The following AGMO variants were observed in gnomAD, a reference collection of about 807,000 sequenced individuals.
AGMO encodes glyceryl-ether monooxygenase.
A neutral mutation model predicts 60.2 loss-of-function variants in AGMO; 75 were observed. The observed-to-expected ratio is 1.25, with a 90% CI of 1.03 to 1.51. The LOEUF is 1.51. Among genes scored for constraint, AGMO ranks in the 40% most tolerant of loss-of-function variants. The pLI is 0.00. For synonymous variants in AGMO, 261 were observed against 177.1 expected (o/e 1.47, Z -3.76); for missense variants, 763 against 525.5 (o/e 1.45, Z -4.42).
intron 10 of AGMO, among the ~76,000 whole-genome samples, chr7:15,375,038 C>G (rs1328671178): frequency 6.6e-6 from 1 of 152,054 alleles, no homozygotes; most frequent in East Asian, 1.9e-4. Context: ...TGGACATTCA[C>G]TAAGTAGAGA....
the AGMO span, among the ~76,000 whole-genome samples, chr7:15,120,829 G>C: frequency 1.3e-5 from 2 of 151,372 alleles, no homozygotes; most frequent in Admixed American, 6.6e-5. Context: ...TTTTTATTTA[G>C]GTTTTGGGAT....
At chr7:15,243,828 T>C (rs1261931821) in intron 12 of AGMO, among the ~76,000 whole-genome samples, 1 of 152,162 alleles carries the variant, frequency 6.6e-6, no homozygotes, top group African/African-American at 2.4e-5. Flanking sequence ...TTGTCCGGTT[T>C]TGTCTGCCAC....
chr7:15,493,495 TCCCGCGTAGCTGGGTCTGCAGGCG>T (rs1783131768), intron 3 of AGMO, among the ~76,000 whole-genome samples: 2 of 145,492 alleles, frequency 1.4e-5, no homozygotes, highest in Non-Finnish European at 3.0e-5. Flanking sequence ...TGCCTCAGCC[TCCCGCGTAGCTGGGTCTGCAGGCG>T]CCCGCCACCA....
chr7:15,291,834 G>C (rs1340675882), intron 12 of AGMO, among the ~76,000 whole-genome samples: 1 of 152,132 alleles, frequency 6.6e-6, no homozygotes, highest in East Asian at 1.9e-4. Context: ...CCTGAAAGAA[G>C]AGCAATGAAG....
chr7:15,216,233 C>A (rs1419304370), intron 12 of AGMO, among the ~76,000 whole-genome samples: 2 of 152,080 alleles, frequency 1.3e-5, no homozygotes, highest in Non-Finnish European at 2.9e-5. Context: ...ACTTTCAGGC[C>A]AAACAGCAAT....
At chr7:15,182,428 T>A in the AGMO span, among the ~76,000 whole-genome samples, 305 of 152,316 alleles carry the variant, frequency 2.0e-3, 1 homozygote, top group Admixed American at 3.1e-3. Context: ...TATTTATTAT[T>A]TTATTTGAGA....
At chr7:15,237,588 G>A (rs1253318641) in intron 12 of AGMO, among the ~76,000 whole-genome samples, 1 of 151,764 alleles carries the variant, frequency 6.6e-6, no homozygotes, top group Admixed American at 6.6e-5. Flanking sequence ...TGAGAGAGCA[G>A]GGAAACTAAA....
At chr7:15,354,250 G>A (rs1431595930) in intron 12 of AGMO, among the ~76,000 whole-genome samples, 2 of 146,418 alleles carry the variant, frequency 1.4e-5, no homozygotes, top group African/African-American at 5.1e-5. Context: ...TTACAGAACA[G>A]TAAAAAATGT....
chr7:15,190,753 TA>T, the AGMO span, among the ~76,000 whole-genome samples: 1 of 152,250 alleles, frequency 6.6e-6, no homozygotes, highest in Admixed American at 6.5e-5. Context: ...TTTATTACTT[TA>T]AAATATAGAA....
intron 12 of AGMO, among the ~76,000 whole-genome samples, chr7:15,352,562 G>A (rs1782286502): frequency 6.6e-6 from 1 of 151,808 alleles, no homozygotes; most frequent in African/African-American, 2.4e-5. Context: ...AAAATCTCAG[G>A]CTTGGCCAGA....
intron 12 of AGMO, among the ~76,000 whole-genome samples, chr7:15,284,094 A>G (rs149720434): frequency 6.6e-6 from 1 of 152,128 alleles, no homozygotes; most frequent in Non-Finnish European, 1.5e-5. Context: ...GCTAAGAGAA[A>G]AGTCTGTAGT....
downstream of AGMO, among the ~76,000 whole-genome samples, chr7:15,198,482 A>G (rs898586457): frequency 6.6e-6 from 1 of 152,200 alleles, no homozygotes; most frequent in Admixed American, 6.5e-5. Context: ...TAATCGCCCA[A>G]TGGGTTCATT....
chr7:15,387,393 G>A lies in AGMO; in HGVS notation c.957+13C>T. 1 of 1,610,796 alleles carries A rather than the reference G, an allele frequency of 6.2e-7. No homozygotes were observed. The highest frequency in any genetic ancestry group is 8.5e-7 in the Non-Finnish European group (1 of 1,178,776). On this transcript the variant is annotated intron_variant, in intron 9 of 12. Transcript: ENST00000342526. ...CAATCTTCACCATCTCCAATTCTGT[G>A]AACTCTATTTACCTCTGGAATTTCT...
intron 3 of AGMO, among the ~76,000 whole-genome samples, chr7:15,544,073 A>G (rs2115278862): frequency 6.6e-6 from 1 of 152,258 alleles, no homozygotes; most frequent in East Asian, 1.9e-4. Context: ...ATTTGCAGCA[A>G]CCCAGATGGA....
intron 2 of AGMO, among the ~76,000 whole-genome samples, chr7:15,545,783 A>G (rs1784764040): frequency 6.6e-6 from 1 of 152,036 alleles, no homozygotes; most frequent in South Asian, 2.1e-4. Context: ...CAAGTTTTAT[A>G]TGATCAAATT....
At chr7:15,531,086 A>ATATTCTG (rs1784315957) in intron 3 of AGMO, among the ~76,000 whole-genome samples, 1 of 16,728 alleles carries the variant, frequency 6.0e-5, no homozygotes, top group Non-Finnish European at 9.9e-5. Flanking sequence ...TATATTCTAT[A>ATATTCTG]TATATATTCT....
At chr7:15,327,696 G>C (rs368558309) in intron 12 of AGMO, among the ~76,000 whole-genome samples, 1 of 151,278 alleles carries the variant, frequency 6.6e-6, no homozygotes, top group South Asian at 2.1e-4. Context: ...CTGAGGGGGA[G>C]AGAAAGAGAG....
chr7:15,502,305 C>T (rs1783408097), intron 3 of AGMO, among the ~76,000 whole-genome samples: 3 of 151,912 alleles, frequency 2.0e-5, no homozygotes, highest in Non-Finnish European at 4.4e-5. Context: ...TTTCGCTCCC[C>T]CCAAGTCCCC....
chr7:15,135,979 C>CTTTTTTTTTTTTTTTTTTTT, the AGMO span, among the ~76,000 whole-genome samples: 248 of 106,748 alleles, frequency 2.3e-3, no homozygotes, highest in East Asian at 5.8e-3. Flanking sequence ...TTTTTCTTTT[C>CTTTTTTTTTTTTTTTTTTTT]TTTTTTTTTT....
Sources: allele counts gnomAD v4.1 joint callset (sites outside exome capture counted in the v4.1 genomes callset), GRCh38; gene constraint gnomAD v4.1.1; transcripts MANE v1.5; gene names NCBI Gene and HGNC (gene_info 2026-07-23, HGNC 2026-07-21).